The following NLGN1 variants were observed in gnomAD, a reference collection of about 807,000 sequenced individuals.
NLGN1 encodes the protein neuroligin-1.
NLGN1 carries 12 observed loss-of-function variants against 65.5 expected under a neutral mutation model. The ratio of observed to expected loss-of-function variants is 0.18; its 90% CI spans 0.12 to 0.30. NLGN1 has a LOEUF of 0.30. NLGN1 is among the 10% of genes least tolerant of loss of function. The probability of loss-of-function intolerance (pLI) is 1.00; values close to 1 mark genes in which losing one functional copy is unlikely to be tolerated. For synonymous variants in NLGN1, 350 were observed against 359.5 expected, an observed-to-expected ratio of 0.97 and a Z score of 0.30; for missense variants, 750 against 1,007.1, an observed-to-expected ratio of 0.74 and a Z score of 3.46.
intron 4 of NLGN1, among the ~76,000 whole-genome samples, chr3:173,816,093 T>C (rs1718989311): frequency 6.7e-6 from 1 of 149,678 alleles, no homozygotes; most frequent in Admixed American, 6.7e-5. Context: ...TTAATAATAG[T>C]TATAATTAAA....
At chr3:173,496,522 T>A (rs1730052622) in intron 2 of NLGN1, among the ~76,000 whole-genome samples, 1 of 151,832 alleles carries the variant, frequency 6.6e-6, no homozygotes, top group African/African-American at 2.4e-5. Flanking sequence ...CATGGGAATA[T>A]CTGAGATACA....
exon 3 of NLGN1, chr3:173,604,588 A>T: frequency 1.2e-6 from 2 of 1,612,236 alleles, no homozygotes; most frequent in South Asian, 2.2e-5. Flanking sequence ...CTAGACAACT[A>T]ATGTGGGACC....
At chr3:174,090,333 C>T (rs899746175) in intron 4 of NLGN1, among the ~76,000 whole-genome samples, 3 of 151,908 alleles carry the variant, frequency 2.0e-5, no homozygotes, top group Non-Finnish European at 4.4e-5. Flanking sequence ...AATAGCCTGG[C>T]GTGGTGGCAG....
At chr3:173,621,378 G>A (rs1488841847) in intron 3 of NLGN1, among the ~76,000 whole-genome samples, 8 of 152,102 alleles carry the variant, frequency 5.3e-5, no homozygotes, top group African/African-American at 1.7e-4. Flanking sequence ...TGGTAAAGTC[G>A]GGAGACAGTA....
intron 5 of NLGN1, among the ~76,000 whole-genome samples, chr3:174,276,947 T>G (rs908169475): frequency 4.6e-5 from 7 of 151,852 alleles, no homozygotes; most frequent in African/African-American, 1.7e-4. Flanking sequence ...TGCTCAAAAA[T>G]TGACGTGAAA....
intron 4 of NLGN1, among the ~76,000 whole-genome samples, chr3:173,837,966 A>G (rs1474668340): frequency 6.6e-6 from 1 of 152,202 alleles, no homozygotes; most frequent in Non-Finnish European, 1.5e-5. Context: ...TGTATGTTTG[A>G]AGTTTTACAA....
intron 4 of NLGN1, among the ~76,000 whole-genome samples, chr3:174,114,338 T>A (rs1007490662): frequency 2.0e-5 from 3 of 152,186 alleles, no homozygotes; most frequent in Admixed American, 2.0e-4. Flanking sequence ...ATTAAAATAC[T>A]AACCTATGAA....
chr3:173,450,970 T>G (rs909323092), intron 2 of NLGN1, among the ~76,000 whole-genome samples: 7 of 152,190 alleles, frequency 4.6e-5, no homozygotes, highest in African/African-American at 7.2e-5. Context: ...CATCTAATTT[T>G]TTTTCAAAGT....
intron 4 of NLGN1, among the ~76,000 whole-genome samples, chr3:174,114,590 T>A (rs1251885726): frequency 6.6e-6 from 1 of 152,152 alleles, no homozygotes; most frequent in Non-Finnish European, 1.5e-5. Context: ...AAGGTAGCCA[T>A]CTTTTCTCTT....
chr3:174,144,180 C>T (rs1230516019), intron 4 of NLGN1, among the ~76,000 whole-genome samples: 1 of 152,124 alleles, frequency 6.6e-6, no homozygotes, highest in Non-Finnish European at 1.5e-5. Flanking sequence ...GTTTTCTGTT[C>T]CTGTGTTAGT....
At chr3:174,138,578 G>A (rs369898896) in intron 4 of NLGN1, among the ~76,000 whole-genome samples, 3 of 151,942 alleles carry the variant, frequency 2.0e-5, no homozygotes, top group South Asian at 2.1e-4. Flanking sequence ...GGGACGACAG[G>A]CCCCCGCCAC....
At chr3:173,429,686 C>T (rs1373405725) in intron 1 of NLGN1, among the ~76,000 whole-genome samples, 2 of 152,168 alleles carry the variant, frequency 1.3e-5, no homozygotes, top group East Asian at 3.8e-4. Flanking sequence ...ACCCTCAGCC[C>T]AAGAACACTG....
chr3:173,821,272 C>T (rs1220005783), intron 4 of NLGN1, among the ~76,000 whole-genome samples: 3 of 152,110 alleles, frequency 2.0e-5, no homozygotes, highest in Non-Finnish European at 4.4e-5. Flanking sequence ...TGAAAAAAGC[C>T]ATCTTTACTG....
intron 2 of NLGN1, among the ~76,000 whole-genome samples, chr3:173,452,037 C>T (rs1172551055): frequency 6.6e-6 from 1 of 152,224 alleles, no homozygotes; most frequent in African/African-American, 2.4e-5. Context: ...CCTGCTTCGG[C>T]TCACGCACAG....
rs768000167 is a variant in NLGN1, at chr3:174,280,615, A to C, written c.1784A>C (p.Lys595Thr). Residue 595 changes from lysine to threonine, a missense_variant, in exon 7 of 7, where the codon AAA becomes ACA. Coordinates refer to ENST00000457714, the Ensembl canonical transcript of NLGN1. The surrounding 1 kb of genome is among the most constrained non-coding windows in gnomAD (Gnocchi z 4.9). The stretch of plus-strand genomic sequence containing the variant: ...CATATTGGATTAAAACCAAGAGTTA[A>C]AGAACATTACAGAGCCAATAAGGTG... 1 of 1,613,328 alleles carries C rather than the reference A, an allele frequency of 6.2e-7. No individual in the cohort carries two copies. Among genetic ancestry groups the C allele is most frequent in the Admixed American group, 1.7e-5 (1 of 59,912 alleles).
At chr3:173,586,613 C>T (rs2149382556) in intron 2 of NLGN1, among the ~76,000 whole-genome samples, 1 of 152,334 alleles carries the variant, frequency 6.6e-6, no homozygotes, top group East Asian at 1.9e-4. Context: ...TTTCTTATTT[C>T]AGTAGACGTT....
intron 3 of NLGN1, among the ~76,000 whole-genome samples, chr3:173,793,229 A>G (rs1002012907): frequency 1.3e-5 from 2 of 152,202 alleles, no homozygotes; most frequent in Non-Finnish European, 2.9e-5. Flanking sequence ...GCTTTCTACA[A>G]TAATTCAATC....
At chr3:174,282,275 T>C (rs1009151175) in exon 7 of NLGN1, 1 of 152,238 alleles carries the variant, frequency 6.6e-6, no homozygotes, top group African/African-American at 2.4e-5. Context: ...CTGTGTTTTT[T>C]TGTTACTCTG....
intron 4 of NLGN1, among the ~76,000 whole-genome samples, chr3:173,862,548 A>G (rs529016905): frequency 6.6e-6 from 1 of 150,872 alleles, no homozygotes; most frequent in South Asian, 2.1e-4. Context: ...AAAACATAAT[A>G]CATATAATTA....
Sources: gnomAD v4.1 joint callset for allele counts (sites outside exome capture counted in the v4.1 genomes callset) on GRCh38, gnomAD v4.1.1 for gene constraint, Gnocchi (gnomAD v3.1) non-coding constraint, MANE v1.5 for transcripts, NCBI Gene and HGNC (gene_info 2026-07-23, HGNC 2026-07-21) for gene names.